ESAM: variants seen among roughly 807,000 people sequenced by gnomAD.
ESAM encodes endothelial cell-selective adhesion molecule.
In ESAM, 23 loss-of-function variants were observed where a neutral mutation model predicts 31.8. The observed-to-expected ratio is 0.72, with a 90% CI of 0.52 to 1.03. ESAM has a LOEUF of 1.03. Ranked by LOEUF, ESAM falls within the 50% of genes least tolerant of loss-of-function variation. The probability of loss-of-function intolerance (pLI) is 0.00; values close to 1 mark genes in which losing one functional copy is unlikely to be tolerated. For synonymous variants in ESAM, 216 were observed against 207.2 expected, an observed-to-expected ratio of 1.04 and a Z score of -0.37; for missense variants, 478 against 488.9, an observed-to-expected ratio of 0.98 and a Z score of 0.21.
At chr11:124,760,797 A>AT (rs1376533072) in intron 1 of ESAM, among the ~76,000 whole-genome samples, 2 of 151,878 alleles carry the variant, frequency 1.3e-5, no homozygotes, top group East Asian at 3.8e-4. Context: ...GGCTTCAGAG[A>AT]TTCCCCCAGC....
chr11:124,753,637 GT>G lies in ESAM; in HGVS notation c.*8del, dbSNP rs1565440922. ...CCCCAAATCCTTTAGCCAATGAGTG[GT>G]GGGGTCATCATACCAGAGAGCCAGC... On this transcript the variant is annotated 3_prime_UTR_variant, in exon 7 of 7. Transcript: ENST00000278927. The G allele has an allele frequency of 6.2e-7, 1 of 1,613,278 alleles. No homozygotes were observed. The highest frequency in any genetic ancestry group is 8.5e-7 in the Non-Finnish European group (1 of 1,180,022).
At chr11:124,761,061 TG>T (rs1944223733) in intron 1 of ESAM, among the ~76,000 whole-genome samples, 1 of 152,184 alleles carries the variant, frequency 6.6e-6, no homozygotes, top group Admixed American at 6.5e-5. Context: ...AAGGGGACAC[TG>T]GTGATCCTCA....
chr11:124,762,261 T>C lies in ESAM; in HGVS notation c.-107A>G. The stretch of plus-strand genomic sequence containing the variant: ...GGAGCGTGCGCGGGAGCCGAGCCGC[T>C]GACACCCAGGGCGGCTCCAGCCCAA... On this transcript the variant is annotated 5_prime_UTR_variant, in exon 1 of 7. Transcript: ENST00000278927. This position sits in a 1 kb window ranked among gnomAD's most constrained non-coding sequence, Gnocchi z 6.4. 1 of 870,228 alleles carries C rather than the reference T, an allele frequency of 1.1e-6. No homozygotes were observed. The highest frequency in any genetic ancestry group is 1.7e-6 in the Non-Finnish European group (1 of 589,990). The allele number at this position is 870,228 out of a possible 1,614,324, so 53.9% of individuals were successfully genotyped here.
rs1944126698 is a variant in ESAM at position 124,754,183 on chromosome 11, C to T, written c.857+31G>A. ...CCTCTGTGAGGAGAGCTGGGAGAGC[C>T]CCCGCTGCAGCAGACACCAGGGACA... On this transcript the variant is annotated intron_variant, in intron 6 of 6. Coordinates refer to ENST00000278927, the MANE Select transcript of ESAM (RefSeq NM_138961.3). This position sits in a 1 kb window ranked among gnomAD's most constrained non-coding sequence, Gnocchi z 4.5. 2 of 1,607,092 alleles carry T rather than the reference C, an allele frequency of 1.2e-6. No individual in the cohort carries two copies. The highest frequency in any genetic ancestry group is 2.7e-5 in the African/African-American group (2 of 74,908).
chr11:124,755,758 G>T (rs950186639), intron 4 of ESAM, among the ~76,000 whole-genome samples: 5 of 152,292 alleles, frequency 3.3e-5, no homozygotes, highest in Middle Eastern at 3.4e-3. Context: ...CAATAGCATT[G>T]CCACGCCTAG....
Position 124,753,642 on chromosome 11 carries a change from G to A in ESAM, c.*4C>T. 6.2e-7 allele frequency: 1 copy of A among 1,613,396 alleles called. No homozygotes were observed. Reference sequence around the variant, plus strand: ...AATCCTTTAGCCAATGAGTGGTGGGGTCATCATACCAGAGAGCCAGCTTGA... The same window carrying A: ...AATCCTTTAGCCAATGAGTGGTGGGATCATCATACCAGAGAGCCAGCTTGA... On this transcript the variant is annotated 3_prime_UTR_variant, in exon 7 of 7. Transcript: ENST00000278927.
chr11:124,756,720 A>T lies in ESAM; in HGVS notation c.272T>A (p.Val91Asp). ...GGATACTCCAGGTTTGCTTGTTGTG[A>T]CCCCATTGATGTAGGACAACACCTG... ...EDQVLSYING[V>D]TTSKPGVSLV... Residue 91 changes from valine to aspartate, a missense_variant, in exon 3 of 7, where the codon GTC (valine) becomes GAC (aspartate). Transcript: ENST00000278927. 1 of 1,613,820 alleles carries T rather than the reference A, an allele frequency of 6.2e-7. No homozygotes were observed. Among genetic ancestry groups the T allele is most frequent in the Non-Finnish European group, 8.5e-7 (1 of 1,179,956 alleles).
chr11:124,759,811 A>C lies in ESAM; in HGVS notation c.71-1284T>G, dbSNP rs1339809306. ...CCAGTGATAAGGCAGAAGACAATGA[A>C]GGGGGGGCCACTAGACCGGAGGCTC... On this transcript the variant is annotated intron_variant, in intron 1 of 6. Coordinates refer to ENST00000278927, the MANE Select transcript of ESAM (RefSeq NM_138961.3). The surrounding 1 kb of genome is among the most constrained non-coding windows in gnomAD (Gnocchi z 6.8). 1.3e-5 allele frequency among the ~76,000 whole-genome samples: 2 copies of C among 152,096 alleles called. No homozygotes were observed. The highest frequency in any genetic ancestry group is 2.4e-5 in the African/African-American group (1 of 41,426).
intron 1 of ESAM, 24 bp from the exon 2 acceptor site, chr11:124,758,551 G>C: frequency 6.6e-7 from 1 of 1,507,752 alleles, no homozygotes; most frequent in Non-Finnish European, 8.9e-7. Flanking sequence ...CGAGGCGTGA[G>C]TGCCCAGGAC....
In ESAM at chr11:124,754,408, C is replaced by A; in HGVS notation, c.731-68G>T. Reference sequence around the variant, plus strand: ...GTTCTCACCCCTCTCCAATCCCACTCTCCCCACCCCATCTGCCACCATACA... The same window carrying A: ...GTTCTCACCCCTCTCCAATCCCACTATCCCCACCCCATCTGCCACCATACA... On this transcript the variant is annotated intron_variant, in intron 5 of 6. Transcript: ENST00000278927. This position sits in a 1 kb window ranked among gnomAD's most constrained non-coding sequence, Gnocchi z 4.5. 6.4e-7 allele frequency: 1 copy of A among 1,571,706 alleles called. No individual in the cohort carries two copies. The highest frequency in any genetic ancestry group is 8.6e-7 in the Non-Finnish European group (1 of 1,159,392).
At chr11:124,756,893 T>A (rs1944161864) in intron 2 of ESAM, 151 bp from the exon 3 acceptor site, 1 of 782,136 alleles carries the variant, frequency 1.3e-6, no homozygotes, top group Non-Finnish European at 2.1e-6. Context: ...ATTCACCTTT[T>A]GTCCCTAGCC....
chr11:124,757,423 C>T (rs747793548), intron 2 of ESAM: 3 of 152,408 alleles, frequency 2.0e-5, no homozygotes, highest in Non-Finnish European at 4.4e-5. Context: ...AAGAGTAAGA[C>T]CCCTGTCTCA....
At chr11:124,755,397 A>G (rs1463636273) in intron 4 of ESAM, among the ~76,000 whole-genome samples, 1 of 151,788 alleles carries the variant, frequency 6.6e-6, no homozygotes, top group African/African-American at 2.4e-5. Flanking sequence ...AAGTATAATA[A>G]TAATAAAATA....
intron 1 of ESAM, 79 bp from the exon 2 acceptor site, chr11:124,758,606 C>T: frequency 7.0e-7 from 1 of 1,419,602 alleles, no homozygotes. Flanking sequence ...GCGGCTTCAC[C>T]AGAGAGCGAG....
rs1403025724 is a variant in ESAM, at chr11:124,762,072, G to A, written c.70+13C>T. The A allele has an allele frequency of 1.2e-6, 2 of 1,609,836 alleles. No individual in the cohort carries two copies. Among genetic ancestry groups the A allele is most frequent in the Admixed American group, 3.3e-5 (2 of 59,744 alleles). On this transcript the variant is annotated intron_variant, in intron 1 of 6. Transcript: ENST00000278927. This position sits in a 1 kb window ranked among gnomAD's most constrained non-coding sequence, Gnocchi z 6.4. ...CGCATCCCAAGTCCCCTCCAGGTCC[G>A]GGTTTCACTCACCGAGGGCACTCAG...
Position 124,762,208 on chromosome 11 carries a change from C to T in ESAM, c.-54G>A. ...GGCGCCAGCCGCGGGACGCACGGAC[C>T]TGCAGGTGCCGAGGCTGCGCGACGG... is the stretch of plus-strand genomic sequence containing the variant. On this transcript the variant is annotated 5_prime_UTR_variant, in exon 1 of 7. Coordinates refer to ENST00000278927, the MANE Select transcript of ESAM (RefSeq NM_138961.3). The surrounding 1 kb of genome is among the most constrained non-coding windows in gnomAD (Gnocchi z 6.4). The T allele has an allele frequency of 7.0e-7, 1 of 1,425,988 alleles. No homozygotes were observed. Among genetic ancestry groups the T allele is most frequent in the Admixed American group, 2.2e-5 (1 of 45,684 alleles). The allele number at this position is 1,425,988 out of a possible 1,614,324, so 88.3% of individuals were successfully genotyped here.
Position 124,753,764 on chromosome 11 carries a change from C to A in ESAM, c.1055G>T (p.Gly352Val), listed in dbSNP as rs769159402. The A allele has an allele frequency of 2.0e-5, 33 of 1,613,950 alleles. No homozygotes were observed. Among genetic ancestry groups the A allele is most frequent in the Admixed American group, 1.7e-4 (10 of 59,984 alleles). Residue 352 changes from glycine (G) to valine (V), a missense_variant, in exon 7 of 7, where the codon GGG becomes GTG. Transcript: ENST00000278927. ...LPSPRLPTTD[G>V]AHPQPISPIP... ...GGGGGATATTGGTTGAGGGTGGGCC[C>A]CATCTGTCGTGGGCAGTCTTGGTGA... is the stretch of plus-strand genomic sequence containing the variant.
rs1944206950 is a variant in ESAM at position 124,759,939 on chromosome 11, C to T, written c.71-1412G>A. On this transcript the variant is annotated intron_variant, in intron 1 of 6. Coordinates refer to ENST00000278927, the MANE Select transcript of ESAM (RefSeq NM_138961.3). The surrounding 1 kb of genome is among the most constrained non-coding windows in gnomAD (Gnocchi z 6.8). ...CGGGCACGCCTGGAGCCTGCAGGTG[C>T]TGCCGGCTCTCCCCCAGCCTTTCTA... 6.6e-6 allele frequency among the ~76,000 whole-genome samples: 1 copy of T among 152,240 alleles called. No homozygotes were observed. Among genetic ancestry groups the T allele is most frequent in the Admixed American group, 6.5e-5 (1 of 15,292 alleles).
chr11:124,760,174 C>A (rs1010928161), intron 1 of ESAM, among the ~76,000 whole-genome samples: 12 of 152,228 alleles, frequency 7.9e-5, no homozygotes, highest in South Asian at 2.1e-4. Flanking sequence ...TTCGCCCTGT[C>A]AGAAACTAGG....
Sources: allele counts gnomAD v4.1 joint callset (sites outside exome capture counted in the v4.1 genomes callset), GRCh38; gene constraint gnomAD v4.1.1; non-coding constraint Gnocchi (gnomAD v3.1); transcripts MANE v1.5; gene names NCBI Gene and HGNC (gene_info 2026-07-23, HGNC 2026-07-21).